TTC19: variants seen among roughly 807,000 people sequenced by gnomAD.
TTC19 encodes the protein tetratricopeptide repeat domain 19.
Under a neutral mutation model 49.5 loss-of-function variants are expected in TTC19, and 38 were observed. The observed-to-expected ratio is 0.77, with a 90% CI of 0.59 to 1.01. The LOEUF (loss-of-function observed/expected upper bound fraction) is 1.01. TTC19 is among the 50% of genes least tolerant of loss of function. The probability of loss-of-function intolerance (pLI) is 0.00; values close to 1 mark genes in which losing one functional copy is unlikely to be tolerated. For missense variants in TTC19, 475 were observed against 477.7 expected (o/e 0.99, Z 0.05); for synonymous variants, 204 against 185.2 (o/e 1.10, Z -0.83).
In TTC19 at chr17:16,000,244, A is replaced by T; in HGVS notation, c.311A>T (p.Lys104Met). Reference sequence around the variant, plus strand: ...ATCATCCAGCTGCTGAAGCGAGCCAAGGTGAGGCGGCTCCGGGCCCTGCGC... The same window carrying T: ...ATCATCCAGCTGCTGAAGCGAGCCATGGTGAGGCGGCTCCGGGCCCTGCGC... ...AEIIQLLKRA[K>M]LSIMKDEPEE... Residue 104 changes from lysine to methionine, a missense_variant and splice_region_variant, in exon 2 of 10, where the codon AAG becomes ATG. Transcript: ENST00000261647. 1 of 1,595,006 alleles carries T rather than the reference A, an allele frequency of 6.3e-7. No homozygotes were observed. Among genetic ancestry groups the T allele is most frequent in the Non-Finnish European group, 8.5e-7 (1 of 1,178,996 alleles).
At chr17:16,035,219 G>T (rs1974033197) in intron 2 of TTC19, among the ~76,000 whole-genome samples, 1 of 152,176 alleles carries the variant, frequency 6.6e-6, no homozygotes, top group South Asian at 2.1e-4. Context: ...GATGGCTGTG[G>T]CAATTTCTTT....
intron 8 of TTC19, 88 bp downstream of exon 8, chr17:16,025,259 T>A: frequency 1.4e-6 from 2 of 1,406,944 alleles, no homozygotes; most frequent in South Asian, 1.2e-5. Context: ...GGTAACAGGA[T>A]CAGCAGATGG....
Position 16,010,768 on chromosome 17 carries a change from G to A in TTC19, c.676+4200G>A, listed in dbSNP as rs116375000. 1.2e-3 allele frequency among the ~76,000 whole-genome samples: 178 copies of A among 152,234 alleles called. 1 individual carries two copies. Among genetic ancestry groups the A allele is most frequent in the African/African-American group, 4.1e-3 (170 of 41,538 alleles). The stretch of plus-strand genomic sequence containing the variant: ...ATTACAGGCATGAGCCACTGTGCCC[G>A]GCCCCTATTTTCAACTCTTAACCAG... On this transcript the variant is annotated intron_variant, in intron 7 of 9. Transcript: ENST00000261647.
intron 2 of TTC19, among the ~76,000 whole-genome samples, 172 bp from the exon 3 acceptor site, chr17:16,001,743 C>G (rs1480406233): frequency 1.3e-5 from 2 of 152,188 alleles, no homozygotes; most frequent in African/African-American, 4.8e-5. Flanking sequence ...AGGCTGACCT[C>G]CCTGTCATCT....
In TTC19 at chr17:16,026,614, G is replaced by A. The variant is rs539229732; in HGVS notation, c.906G>A (p.Met302Ile). The A allele has an allele frequency of 9.0e-5, 146 of 1,614,118 alleles. 2 individuals are homozygous for A. The South Asian group carries it at 1.5e-3, about 17-fold the overall frequency. Residue 302 changes from methionine to isoleucine, a missense_variant, in exon 9 of 10, where the codon ATG becomes ATA. By Grantham distance (10) the Met-to-Ile change is conservative. Transcript: ENST00000261647. ...QGRFDEAYIY[M>I]QRASDLARQI... ...GCTTTGATGAGGCCTATATTTATAT[G>A]CAAAGGGCATCAGATCTGGCAAGAC...
intron 7 of TTC19, among the ~76,000 whole-genome samples, chr17:16,017,253 T>C (rs1313699200): frequency 6.6e-6 from 1 of 152,026 alleles, no homozygotes; most frequent in Non-Finnish European, 1.5e-5. Flanking sequence ...CATTGTCTTC[T>C]GATACAGAAT....
chr17:16,016,149 T>G (rs1971207885), intron 7 of TTC19, among the ~76,000 whole-genome samples: 1 of 152,236 alleles, frequency 6.6e-6, no homozygotes, highest in South Asian at 2.1e-4. Context: ...CTAACATAAT[T>G]GCCATTTATA....
rs1471885444 is a variant in TTC19 at position 16,028,817 on chromosome 17, T to TAAAAAAA, written c.*1295_*1296insAAAAAAA. On this transcript the variant is annotated 3_prime_UTR_variant, in exon 10 of 10. Coordinates refer to ENST00000261647, the MANE Select transcript of TTC19 (RefSeq NM_017775.4). ...TGTATCCCAGTAATCTTTGCATTTC[T>TAAAAAAA]CAAAAAAAAAAAAAAAAAAAAAAAA... 1.1e-5 allele frequency: 1 copy of TAAAAAAA among 90,626 alleles called. No individual in the cohort carries two copies. The highest frequency in any genetic ancestry group is 1.9e-5 in the Non-Finnish European group (1 of 52,076). 5.6% of individuals were successfully genotyped at this position (90,626 alleles called of 1,614,324 possible). A position where few individuals can be genotyped will look rare whatever the true frequency, so the allele number is the denominator to read the frequency against.
At chr17:16,004,088 T>TA (rs779527715) in intron 5 of TTC19, 113 bp from the exon 6 acceptor site, 95 of 1,216,638 alleles carry the variant, frequency 7.8e-5, no homozygotes, top group Non-Finnish European at 1.1e-4. Context: ...CTCATCACTC[T>TA]AAAAGAATAA....
At chr17:16,000,358 C>T in intron 2 of TTC19, 113 bp downstream of exon 2, 2 of 1,526,400 alleles carry the variant, frequency 1.3e-6, no homozygotes, top group Non-Finnish European at 1.8e-6. Context: ...ATGGAGGCTC[C>T]GCGGGTAAAA....
rs548624513 is a variant in TTC19, at chr17:16,024,596, C to T, written c.677-421C>T. The stretch of plus-strand genomic sequence containing the variant: ...CTGTGATTACAGGTGTGAGCCACCG[C>T]GCCCGGCCTTTACGTTGAATTCTTT... On this transcript the variant is annotated intron_variant, in intron 7 of 9. Transcript: ENST00000261647. 59 of 258,658 alleles carry T rather than the reference C, an allele frequency of 2.3e-4. 1 individual carries two copies. The highest frequency in any genetic ancestry group is 1.0e-3 in the African/African-American group (45 of 43,178). The allele number at this position is 258,658 out of a possible 1,614,324, so 16.0% of individuals were successfully genotyped here.
chr17:15,999,848 C>G lies in TTC19; in HGVS notation c.-1C>G, dbSNP rs2302414. 3.7e-5 allele frequency: 56 copies of G among 1,520,678 alleles called. 1 individual carries two copies. The South Asian group carries it at 6.6e-4, about 18-fold the overall frequency. The allele number at this position is 1,520,678 out of a possible 1,614,324, so 94.2% of individuals were successfully genotyped here. On this transcript the variant is annotated 5_prime_UTR_variant, in exon 1 of 10. Transcript: ENST00000261647. Reference sequence around the variant, plus strand: ...CAGTGCGCAGAGGACGCGGCGGGAGCATGTTCCGGCTCCTGAGCTGGAGCC... The same window carrying G: ...CAGTGCGCAGAGGACGCGGCGGGAGGATGTTCCGGCTCCTGAGCTGGAGCC...
rs752236347 is a variant in TTC19 at position 16,039,387 on chromosome 17, T to A, written c.248-5116T>A. 15 of 1,580,508 alleles carry A rather than the reference T, an allele frequency of 9.5e-6. No individual in the cohort carries two copies. The African/African-American group carries it at 2.0e-4, about 21-fold the overall frequency. On this transcript the variant is annotated intron_variant, in intron 2 of 2. Coordinates refer to the TTC19 transcript ENST00000470649. Reference sequence around the variant, plus strand: ...ATCAGAATTTGGGAAATAAACTGGCTTTTTTGGGGAAAAGCAGCAGAAAAG... The same window carrying A: ...ATCAGAATTTGGGAAATAAACTGGCATTTTTGGGGAAAAGCAGCAGAAAAG...
chr17:16,022,238 C>T (rs907023518), intron 7 of TTC19, among the ~76,000 whole-genome samples: 5 of 152,218 alleles, frequency 3.3e-5, no homozygotes, highest in African/African-American at 1.2e-4. Context: ...CTCACAGACT[C>T]TCCACTTTGG....
chr17:16,005,168 C>G (rs922163206), intron 6 of TTC19, among the ~76,000 whole-genome samples: 2 of 152,212 alleles, frequency 1.3e-5, no homozygotes, highest in African/African-American at 4.8e-5. Context: ...TTACATGGTA[C>G]TCTGTACTTT....
At chr17:16,021,480 G>C (rs1210250838) in intron 7 of TTC19, among the ~76,000 whole-genome samples, 1 of 152,206 alleles carries the variant, frequency 6.6e-6, no homozygotes, top group East Asian at 1.9e-4. Context: ...CCAGTAAGTT[G>C]GTGTGTCCAA....
chr17:16,011,341 C>T (rs527766082), intron 7 of TTC19, among the ~76,000 whole-genome samples: 2 of 152,158 alleles, frequency 1.3e-5, no homozygotes, highest in Admixed American at 6.5e-5. Flanking sequence ...CTACCACACC[C>T]GGCTAATTTT....
chr17:16,031,509 G>A (rs1028119086), downstream of TTC19: 13 of 205,524 alleles, frequency 6.3e-5, 1 homozygote, highest in East Asian at 1.5e-4. Context: ...ACCAGTGTGC[G>A]TAACAGTGAG....
rs2056549195 is a variant in TTC19, at chr17:16,037,100, T to C, written c.248-7403T>C. The stretch of plus-strand genomic sequence containing the variant: ...TTAATTGGCCGAATTTGAATATTGT[T>C]GTGTGTCAGGGAATAAGGGAGCCAG... On this transcript the variant is annotated intron_variant, in intron 2 of 2. Coordinates refer to the TTC19 transcript ENST00000470649. Among the ~76,000 whole-genome samples the C allele has an allele frequency of 3.9e-5, 6 of 152,334 alleles. No individual in the cohort carries two copies. The South Asian group carries it at 1.2e-3, about 32-fold the overall frequency.
Sources: gnomAD v4.1 joint callset for allele counts (sites outside exome capture counted in the v4.1 genomes callset) on GRCh38, gnomAD v4.1.1 for gene constraint, MANE v1.5 for transcripts, NCBI Gene and HGNC (gene_info 2026-07-23, HGNC 2026-07-21) for gene names.